The following ZNF362 variants were observed in gnomAD, a reference collection of about 807,000 sequenced individuals.
ZNF362 encodes zinc finger protein 362.
ZNF362 carries 11 observed loss-of-function variants against 42.9 expected under a neutral mutation model. The ratio of observed to expected loss-of-function variants is 0.26; its 90% CI spans 0.16 to 0.42. The LOEUF (loss-of-function observed/expected upper bound fraction) is 0.42, where lower values mean the gene tolerates loss of function less well. ZNF362 is among the 20% of genes least tolerant of loss of function. The pLI is 1.00. For synonymous variants in ZNF362, 255 were observed against 257.3 expected (o/e 0.99, Z 0.09); for missense variants, 362 against 576.2 (o/e 0.63, Z 3.81).
Position 33,281,538 on chromosome 1 carries a change from T to G in ZNF362, c.684-49T>G, listed in dbSNP as rs372881141. 1.9e-6 allele frequency: 3 copies of G among 1,589,782 alleles called. No homozygotes were observed. In the African/African-American group the frequency reaches 4.0e-5, roughly 21 times the overall value. ...CTGATGTAGAAGGCCTCCCCTGAGA[T>G]GGACAGTCTGGGGGATCTTCCCACG... On this transcript the variant is annotated intron_variant, in intron 5 of 8. Coordinates refer to ENST00000539719, the MANE Select transcript of ZNF362 (RefSeq NM_152493.3). This position sits in a 1 kb window ranked among gnomAD's most constrained non-coding sequence, Gnocchi z 4.8.
Position 33,276,448 on chromosome 1 carries a change from C to T in ZNF362, c.203C>T (p.Pro68Leu), listed in dbSNP as rs1210311037. ...CCCACGTCGGCCTCGTCGCAGCAGC[C>T]GTTGCTAGTGCCGCCGGCACCCGCC... Reference protein sequence around the residue: ...LPPTSASSQQPLLVPPAPAES... With the variant: ...LPPTSASSQQLLLVPPAPAES... Residue 68 changes from proline (P) to leucine (L), a missense_variant, in exon 4 of 9, where the codon CCG becomes CTG. Around this residue, in one of 3 missense-constraint regions of ZNF362, gnomAD observed 266 missense variants for 365.4 expected, o/e 0.73. Transcript: ENST00000539719. 6 of 1,574,780 alleles carry T rather than the reference C, an allele frequency of 3.8e-6. No individual in the cohort carries two copies. Among genetic ancestry groups the T allele is most frequent in the East Asian group, 2.3e-5 (1 of 42,620 alleles).
intron 2 of ZNF362, among the ~76,000 whole-genome samples, chr1:33,274,148 G>T (rs1275000714): frequency 6.6e-6 from 1 of 152,126 alleles, no homozygotes; most frequent in East Asian, 1.9e-4. Flanking sequence ...CCTAAGGTAG[G>T]GTTTATTCAC....
chr1:33,285,781 G>T (rs66878579), intron 6 of ZNF362, among the ~76,000 whole-genome samples: 8,773 of 152,274 alleles, frequency 0.058, 346 homozygotes, highest in African/African-American at 0.12. Context: ...AGAATACATA[G>T]GCCGGGTGCC....
In ZNF362 at chr1:33,265,775, T is replaced by G. The variant is rs190522795; in HGVS notation, c.-88-4712T>G. Among the ~76,000 whole-genome samples, 450 of 152,284 alleles carry G rather than the reference T, an allele frequency of 3.0e-3. 3 individuals carry two copies. The highest frequency in any genetic ancestry group is 0.01 in the African/African-American group (422 of 41,564). ...GCTTGTCCATTGAAAACCTTGGCCA[T>G]GGCCCTCCCTTGCTCAGGGACCTCC... On this transcript the variant is annotated intron_variant, in intron 1 of 8. Transcript: ENST00000539719.
At chr1:33,241,426 G>A in the ZNF362 span, among the ~76,000 whole-genome samples, 2 of 151,202 alleles carry the variant, frequency 1.3e-5, no homozygotes, top group Non-Finnish European at 2.9e-5. Flanking sequence ...ACCTGTGGGG[G>A]AGGAGGTTGC....
At chr1:33,220,989 G>T in the ZNF362 span, among the ~76,000 whole-genome samples, 1 of 152,188 alleles carries the variant, frequency 6.6e-6, no homozygotes, top group Non-Finnish European at 1.5e-5. Context: ...CAGGGCAAGG[G>T]TCAGCAGAAA....
the ZNF362 span, among the ~76,000 whole-genome samples, chr1:33,189,673 G>GTATATATATATA: frequency 1.1e-4 from 1 of 9,002 alleles, no homozygotes; most frequent in Non-Finnish European, 5.1e-4. Context: ...ATATATATAT[G>GTATATATATATA]TATATATATA....
chr1:33,222,254 C>A, the ZNF362 span, among the ~76,000 whole-genome samples: 2 of 152,176 alleles, frequency 1.3e-5, no homozygotes, highest in African/African-American at 4.8e-5. Context: ...TCCCCATCTC[C>A]ATCCATCCAA....
chr1:33,127,767 G>A, the ZNF362 span, among the ~76,000 whole-genome samples: 1 of 152,210 alleles, frequency 6.6e-6, no homozygotes, highest in Non-Finnish European at 1.5e-5. Flanking sequence ...AGAATATAAA[G>A]GTCTTTGAAA....
the ZNF362 span, among the ~76,000 whole-genome samples, chr1:33,231,635 T>C: frequency 6.6e-6 from 1 of 152,172 alleles, no homozygotes; most frequent in Non-Finnish European, 1.5e-5. Context: ...GTAGTTATTT[T>C]GTTGTCTCCC....
the ZNF362 span, among the ~76,000 whole-genome samples, chr1:33,137,534 G>A: frequency 6.6e-6 from 1 of 152,164 alleles, no homozygotes; most frequent in African/African-American, 2.4e-5. Flanking sequence ...TCAGAGCTGG[G>A]AAGGTGGCTT....
At chr1:33,227,186 C>T in the ZNF362 span, among the ~76,000 whole-genome samples, 10 of 152,048 alleles carry the variant, frequency 6.6e-5, no homozygotes, top group Admixed American at 1.3e-4. Context: ...TCGTATGGTA[C>T]GTGAATTATA....
chr1:33,159,816 G>A, the ZNF362 span: 257 of 1,613,862 alleles, frequency 1.6e-4, no homozygotes, highest in African/African-American at 2.5e-3. The surrounding 1 kb of genome is among the most constrained non-coding windows in gnomAD (Gnocchi z 4.2). Flanking sequence ...CTTTCTGCTC[G>A]ATGTCGGTCA....
the ZNF362 span, among the ~76,000 whole-genome samples, chr1:33,245,396 AT>A: frequency 3.8e-4 from 56 of 147,308 alleles, no homozygotes; most frequent in East Asian, 3.9e-4. Flanking sequence ...TATACGAGGG[AT>A]TTTTTTTTTT....
chr1:33,218,970 C>T, the ZNF362 span, among the ~76,000 whole-genome samples: 2 of 148,708 alleles, frequency 1.3e-5, no homozygotes, highest in African/African-American at 2.4e-5. Flanking sequence ...CACACACACA[C>T]ACACACACAC....
At chr1:33,202,650 T>C in the ZNF362 span, among the ~76,000 whole-genome samples, 3 of 150,274 alleles carry the variant, frequency 2.0e-5, no homozygotes, top group East Asian at 1.9e-4. Flanking sequence ...GCCTCGGGAA[T>C]GTAAGATTGG....
chr1:33,182,338 G>T, the ZNF362 span, among the ~76,000 whole-genome samples: 1 of 152,270 alleles, frequency 6.6e-6, no homozygotes, highest in African/African-American at 2.4e-5. Context: ...TCATCGATTT[G>T]AAGATGTAGA....
chr1:33,283,491 G>T (rs574187523), intron 6 of ZNF362, among the ~76,000 whole-genome samples: 2 of 152,254 alleles, frequency 1.3e-5, no homozygotes, highest in East Asian at 3.9e-4. Context: ...TTGATCACTT[G>T]AACTCAGGAG....
chr1:33,151,135 AG>A, the ZNF362 span, among the ~76,000 whole-genome samples: 3 of 152,006 alleles, frequency 2.0e-5, no homozygotes, highest in Non-Finnish European at 2.9e-5. Context: ...GAGGGAGACA[AG>A]GGGGCTCTCC....
Sources: gnomAD v4.1 joint callset for allele counts (sites outside exome capture counted in the v4.1 genomes callset) on GRCh38, gnomAD v4.1.1 for gene constraint, gnomAD v4.1.1 regional missense constraint, Gnocchi (gnomAD v3.1) non-coding constraint, MANE v1.5 for transcripts, NCBI Gene and HGNC (gene_info 2026-07-23, HGNC 2026-07-21) for gene names.